Variants in RBM15 observed in about 807,000 individuals in gnomAD.
RBM15 encodes RNA binding motif protein 15, also known as RNA-binding protein 15.
RBM15 carries 8 observed loss-of-function variants against 62.6 expected under a neutral mutation model. The observed-to-expected ratio is 0.13, with a 90% confidence interval of 0.07 to 0.23. The LOEUF (loss-of-function observed/expected upper bound fraction) is 0.23. Among genes scored for constraint, RBM15 ranks in the 10% least tolerant of loss-of-function variants. RBM15 has a pLI of 1.00. For synonymous variants in RBM15, 606 were observed against 505.7 expected (o/e 1.20, Z -2.66); for missense variants, 1,144 against 1,286.5 (o/e 0.89, Z 1.69).
At chr1:110,343,082 G>A (rs555962804) in intron 1 of RBM15, among the ~76,000 whole-genome samples, 1 of 152,286 alleles carries the variant, frequency 6.6e-6, no homozygotes, top group African/African-American at 2.4e-5. Context: ...TCAGAGAGGT[G>A]TAGCAGGTAC....
In RBM15 at chr1:110,340,735, A is replaced by G; in HGVS notation, c.1330A>G (p.Ile444Val). ...TGGCAAAATTATAATTCGGAATCCT[A>G]TCAAAATTGGTTATGGTAAAGCTAC... is the stretch of plus-strand genomic sequence containing the variant. Reference protein sequence around the residue: ...MSGKIIIRNPIKIGYGKATPT... With the variant: ...MSGKIIIRNPVKIGYGKATPT... The change falls in exon 1 of 3, where the codon ATC becomes GTC. Residue 444 changes from isoleucine (I) to valine (V), a missense_variant. Physicochemically the swap from Ile to Val is conservative, Grantham distance 29 (BLOSUM62 3). Transcript: ENST00000369784. This position sits in a 1 kb window ranked among gnomAD's most constrained non-coding sequence, Gnocchi z 5.8. The G allele has an allele frequency of 1.2e-6, 2 of 1,614,092 alleles. No individual in the cohort carries two copies. Among genetic ancestry groups the G allele is most frequent in the Non-Finnish European group, 1.7e-6 (2 of 1,180,018 alleles).
rs781193186 is a variant in RBM15, at chr1:110,341,570, C to G, written c.2165C>G (p.Ser722Cys). ...GGTGACAAGCGAGACCGTAAAAACT[C>G]TGCATCAGCTGAACGAGATAGGAAG... ...SQGDKRDRKN[S>C]ASAERDRKHR... Residue 722 changes from serine to cysteine, a missense_variant, in exon 1 of 3, where the codon TCT (serine) becomes TGT (cysteine). Coordinates refer to ENST00000369784, the MANE Select transcript of RBM15 (RefSeq NM_022768.5). This position sits in a 1 kb window ranked among gnomAD's most constrained non-coding sequence, Gnocchi z 4.5. 5 of 1,614,158 alleles carry G rather than the reference C, an allele frequency of 3.1e-6. No individual in the cohort carries two copies. Among genetic ancestry groups the G allele is most frequent in the South Asian group, 2.2e-5 (2 of 91,082 alleles).
rs1425862006 is a variant in RBM15, at chr1:110,340,296, C to T, written c.891C>T (p.Gly297=). Reference sequence around the variant, plus strand: ...GCCAGAGATCACTTTCCCCTGGTGGCGCTGCTTTGGGATACAGAGACTACC... The same window carrying T: ...GCCAGAGATCACTTTCCCCTGGTGGTGCTGCTTTGGGATACAGAGACTACC... ...GGGQRSLSPG[G]AALGYRDYRL... is the part of the protein sequence containing the mutation. The change falls in exon 1 of 3, where the codon GGC becomes GGT. Residue 297 remains glycine (G), a synonymous_variant. Transcript: ENST00000369784. The surrounding 1 kb of genome is among the most constrained non-coding windows in gnomAD (Gnocchi z 5.8). 4.3e-6 allele frequency: 7 copies of T among 1,614,102 alleles called. No homozygotes were observed. Among genetic ancestry groups the T allele is most frequent in the Non-Finnish European group, 5.1e-6 (6 of 1,180,040 alleles).
Position 110,346,540 on chromosome 1 carries a change from G to C in RBM15, c.*273G>C, listed in dbSNP as rs1660902777. 1 of 594,676 alleles carries C rather than the reference G, an allele frequency of 1.7e-6. No individual in the cohort carries two copies. Among genetic ancestry groups the C allele is most frequent in the Non-Finnish European group, 2.9e-6 (1 of 339,878 alleles). 36.8% of individuals were successfully genotyped at this position (594,676 alleles called of 1,614,324 possible). On this transcript the variant is annotated 3_prime_UTR_variant, in exon 3 of 3. Transcript: ENST00000369784. Reference sequence around the variant, plus strand: ...AAATGACCTCTTTGATTTGTGCTGTGTACACAAGATTTCTGGAAAAGTAAA... The same window carrying C: ...AAATGACCTCTTTGATTTGTGCTGTCTACACAAGATTTCTGGAAAAGTAAA...
intron 1 of RBM15, among the ~76,000 whole-genome samples, chr1:110,343,513 C>T (rs1660842616): frequency 7.4e-6 from 1 of 135,534 alleles, no homozygotes; most frequent in South Asian, 2.5e-4. Flanking sequence ...AACTTAGCCT[C>T]ACAGTTTTTT....
chr1:110,346,206 T>G, intron 2 of RBM15, 102 bp from the exon 3 acceptor site: 1 of 1,219,646 alleles, frequency 8.2e-7, no homozygotes, highest in Non-Finnish European at 1.2e-6. Context: ...AGGAAGGTCT[T>G]GTTAATGTTA....
Position 110,339,488 on chromosome 1 carries a change from G to T in RBM15, c.83G>T (p.Gly28Val). 1 of 1,578,242 alleles carries T rather than the reference G, an allele frequency of 6.3e-7. No homozygotes were observed. Among genetic ancestry groups the T allele is most frequent in the Non-Finnish European group, 8.6e-7 (1 of 1,158,578 alleles). Residue 28 changes from glycine (G) to valine (V), a missense_variant, in exon 1 of 3, where the codon GGG (glycine) becomes GTG (valine). Transcript: ENST00000369784. ...RAVPLCETSAGRRVTQLRGDD... is the reference protein window; with the variant it reads ...RAVPLCETSAVRRVTQLRGDD... ...GTTCCGCTGTGTGAAACGAGCGCGG[G>T]GCGGCGGGTTACTCAGCTCCGCGGA...
At position 110,346,660 on chromosome 1, in the gene RBM15, T is replaced by C; in HGVS notation, c.*393T>C. ...TGCTTTTGTTTTATTCTAAATAAAT[T>C]GTTTCTTTTGAGGAAAATGTTTTTC... is the stretch of plus-strand genomic sequence containing the variant. On this transcript the variant is annotated 3_prime_UTR_variant, in exon 3 of 3. Coordinates refer to ENST00000369784, the MANE Select transcript of RBM15 (RefSeq NM_022768.5). The C allele has an allele frequency of 2.8e-6, 1 of 360,968 alleles. No individual in the cohort carries two copies. Among genetic ancestry groups the C allele is most frequent in the South Asian group, 6.9e-5 (1 of 14,464 alleles). 22.4% of individuals were successfully genotyped at this position (360,968 alleles called of 1,614,324 possible).
rs901450560 is a variant in RBM15, at chr1:110,346,544, A to G, written c.*277A>G. 8.6e-6 allele frequency: 5 copies of G among 583,018 alleles called. No homozygotes were observed. Among genetic ancestry groups the G allele is most frequent in the Non-Finnish European group, 1.5e-5 (5 of 333,418 alleles). 36.1% of individuals were successfully genotyped at this position (583,018 alleles called of 1,614,324 possible). A position where few individuals can be genotyped will look rare whatever the true frequency, so the allele number is the denominator to read the frequency against. On this transcript the variant is annotated 3_prime_UTR_variant, in exon 3 of 3. Transcript: ENST00000369784. ...GACCTCTTTGATTTGTGCTGTGTAC[A>G]CAAGATTTCTGGAAAAGTAAAGAAA...
intron 1 of RBM15, 143 bp downstream of exon 1, chr1:110,342,411 C>T (rs1021183603): frequency 1.6e-6 from 1 of 609,588 alleles, no homozygotes; most frequent in Non-Finnish European, 2.6e-6. Context: ...TTTTTATAAA[C>T]GTCTTTAAAA....
Position 110,339,733 on chromosome 1 carries a change from C to G in RBM15, c.328C>G (p.Arg110Gly), listed in dbSNP as rs201770018. The G allele has an allele frequency of 1.2e-6, 2 of 1,612,806 alleles. No individual in the cohort carries two copies. Among genetic ancestry groups the G allele is most frequent in the East Asian group, 2.2e-5 (1 of 44,870 alleles). The change falls in exon 1 of 3, where the codon CGC (arginine) becomes GGC (glycine). Residue 110 changes from arginine to glycine, a missense_variant. By Grantham distance (125) the Arg-to-Gly change is moderately radical. Transcript: ENST00000369784. The part of the protein sequence containing the change: ...LDKSSSRGGS[R>G]EYDTGGGSSS... ...CAAGTCCAGCAGTCGAGGTGGCAGC[C>G]GCGAGTATGATACCGGTGGGGGCAG...
At position 110,346,512 on chromosome 1, in the gene RBM15, A is replaced by G; in HGVS notation, c.*245A>G. 1 of 713,482 alleles carries G rather than the reference A, an allele frequency of 1.4e-6. No homozygotes were observed. Among genetic ancestry groups the G allele is most frequent in the Non-Finnish European group, 2.4e-6 (1 of 417,362 alleles). 44.2% of individuals were successfully genotyped at this position (713,482 alleles called of 1,614,324 possible). ...GCCAATGCCGGTGTTTTAAGTGGAA[A>G]AAAAATGACCTCTTTGATTTGTGCT... On this transcript the variant is annotated 3_prime_UTR_variant, in exon 3 of 3. Transcript: ENST00000369784.
chr1:110,342,557 T>TC (rs1660820978), intron 1 of RBM15: 3 of 371,878 alleles, frequency 8.1e-6, no homozygotes, highest in Non-Finnish European at 1.4e-5. Context: ...TAATTTTTTT[T>TC]CTCTATTCAG....
rs370038449 is a variant in RBM15 at position 110,341,721 on chromosome 1, G to C, written c.2316G>C (p.Gly772=). ...KLKSPSQKQD[G]GTAPVASASP... ...AGTCCCCGTCCCAGAAACAGGATGG[G>C]GGGACAGCCCCTGTGGCATCAGCCT... Residue 772 remains glycine, a synonymous_variant, in exon 1 of 3, where the codon GGG becomes GGC. Transcript: ENST00000369784. The surrounding 1 kb of genome is among the most constrained non-coding windows in gnomAD (Gnocchi z 4.5). 3 of 1,614,036 alleles carry C rather than the reference G, an allele frequency of 1.9e-6. No homozygotes were observed. In the African/African-American group the frequency reaches 4.0e-5, roughly 22 times the overall value.
rs1024468702 is a variant in RBM15 at position 110,346,299 on chromosome 1, C to T, written c.*41-9C>T. On this transcript the variant is annotated splice_polypyrimidine_tract_variant and intron_variant, in intron 2 of 2. Coordinates refer to ENST00000369784, the MANE Select transcript of RBM15 (RefSeq NM_022768.5). ...TACTGAATAACCTTTTTTTCCCCCC[C>T]TCCGCAAGCAAAACTGGTTGAACAG... 8.8e-6 allele frequency: 14 copies of T among 1,596,698 alleles called. No homozygotes were observed. The highest frequency in any genetic ancestry group is 1.1e-5 in the Non-Finnish European group (13 of 1,179,138).
chr1:110,342,132 G>T lies in RBM15; in HGVS notation c.2727G>T (p.Gly909=). Residue 909 remains glycine (G), a synonymous_variant, in exon 1 of 3, where the codon GGG becomes GGT. Transcript: ENST00000369784. ...CCGGGGTGATCAGCCTCCCTGTGGG[G>T]GGCAACAAAGACAAGGAAAACACCG... ...QAAGVISLPV[G]GNKDKENTGV... 6 of 1,614,078 alleles carry T rather than the reference G, an allele frequency of 3.7e-6. No individual in the cohort carries two copies. The highest frequency in any genetic ancestry group is 5.1e-6 in the Non-Finnish European group (6 of 1,179,968).
chr1:110,340,972 A>C lies in RBM15; in HGVS notation c.1567A>C (p.Arg523=). The change falls in exon 1 of 3, where the codon AGA becomes CGA. Residue 523 remains arginine, a synonymous_variant. Coordinates refer to ENST00000369784, the MANE Select transcript of RBM15 (RefSeq NM_022768.5). The surrounding 1 kb of genome is among the most constrained non-coding windows in gnomAD (Gnocchi z 5.8). ...ACTTGGTGGCCCAGATCGACGCCTT[A>C]GAGTAGACTTTGCCGACACCGAACA... ...FPLGGPDRRL[R]VDFADTEHRY... is the part of the protein sequence containing the mutation. 1 of 1,614,228 alleles carries C rather than the reference A, an allele frequency of 6.2e-7. No homozygotes were observed. Among genetic ancestry groups the C allele is most frequent in the Non-Finnish European group, 8.5e-7 (1 of 1,180,028 alleles).
rs780473100 is a variant in RBM15 at position 110,339,471 on chromosome 1, G to A, written c.66G>A (p.Leu22=). 6 of 1,567,404 alleles carry A rather than the reference G, an allele frequency of 3.8e-6. No homozygotes were observed. The highest frequency in any genetic ancestry group is 4.3e-6 in the Non-Finnish European group (5 of 1,153,878). ...CAAGATGGCGGCGTGCGGTTCCGCTGTGTGAAACGAGCGCGGGGCGGCGGG... is the reference window on the plus strand; with the variant it reads ...CAAGATGGCGGCGTGCGGTTCCGCTATGTGAAACGAGCGCGGGGCGGCGGG... ...RSPRWRRAVP[L]CETSAGRRVT... is the part of the protein sequence containing the mutation. Residue 22 remains leucine, a synonymous_variant, in exon 1 of 3, where the codon CTG becomes CTA. Transcript: ENST00000369784.
chr1:110,339,762 C>T lies in RBM15; in HGVS notation c.357C>T (p.Ser119=), dbSNP rs775493166. ...AGTATGATACCGGTGGGGGCAGCTCCAGTAGCCGCTTGCATAGTTATAGCT... is the reference window on the plus strand; with the variant it reads ...AGTATGATACCGGTGGGGGCAGCTCTAGTAGCCGCTTGCATAGTTATAGCT... The part of the protein sequence containing the change: ...SREYDTGGGS[S]SSRLHSYSSP... The change falls in exon 1 of 3, where the codon TCC becomes TCT. Residue 119 remains serine (S), a synonymous_variant. Transcript: ENST00000369784. The T allele has an allele frequency of 5.0e-6, 8 of 1,610,464 alleles. No individual in the cohort carries two copies. The highest frequency in any genetic ancestry group is 3.3e-5 in the Admixed American group (2 of 59,938).
Sources: allele counts gnomAD v4.1 joint callset (sites outside exome capture counted in the v4.1 genomes callset), GRCh38; gene constraint gnomAD v4.1.1; non-coding constraint Gnocchi (gnomAD v3.1); transcripts MANE v1.5; gene names NCBI Gene and HGNC (gene_info 2026-07-23, HGNC 2026-07-21).